The following TAFA1 variants were observed in gnomAD, a reference collection of about 807,000 sequenced individuals.
TAFA1 encodes chemokine-like protein TAFA-1.
Under a neutral mutation model 18.5 loss-of-function variants are expected in TAFA1, and 4 were observed. The observed-to-expected ratio is 0.22, with a 90% CI of 0.11 to 0.49. The LOEUF (loss-of-function observed/expected upper bound fraction) is 0.49, where lower values mean the gene tolerates loss of function less well. Ranked by LOEUF, TAFA1 falls within the 20% of genes least tolerant of loss-of-function variation. The probability of loss-of-function intolerance (pLI) is 0.98; values close to 1 mark genes in which losing one functional copy is unlikely to be tolerated. For synonymous variants in TAFA1, 56 were observed against 55.2 expected, an observed-to-expected ratio of 1.01 and a Z score of -0.06; for missense variants, 147 against 169.0, an observed-to-expected ratio of 0.87 and a Z score of 0.72.
intron 2 of TAFA1, among the ~76,000 whole-genome samples, chr3:68,013,764 ACT>A (rs1704518386): frequency 6.6e-6 from 1 of 152,142 alleles, no homozygotes; most frequent in Non-Finnish European, 1.5e-5. Flanking sequence ...CACTTAGGGA[ACT>A]CTGTTGGCCC....
rs2071585813 is a variant in TAFA1, at chr3:68,452,670, G to A, written c.259+35250G>A. ...TACCAAAATGAACACTTGGAATCAT[G>A]TGCCCCAGTCAAAGAGGATGTCTTT... is the stretch of plus-strand genomic sequence containing the variant. On this transcript the variant is annotated intron_variant, in intron 3 of 4. Transcript: ENST00000478136. 1.3e-5 allele frequency among the ~76,000 whole-genome samples: 2 copies of A among 152,080 alleles called. 1 individual carries two copies. The highest frequency in any genetic ancestry group is 4.1e-4 in the South Asian group (2 of 4,824).
intron 3 of TAFA1, among the ~76,000 whole-genome samples, chr3:68,521,645 T>C (rs2106751844): frequency 6.6e-6 from 1 of 152,254 alleles, no homozygotes; most frequent in Admixed American, 6.5e-5. Context: ...TAGAGACAGT[T>C]ATTTGGCATG....
intron 2 of TAFA1, among the ~76,000 whole-genome samples, chr3:68,188,843 T>C (rs2066303836): frequency 6.6e-6 from 1 of 151,810 alleles, no homozygotes; most frequent in South Asian, 2.1e-4. Context: ...ATAGTGGGGG[T>C]TTTTTGTTGT....
At chr3:68,119,731 C>G (rs532994863) in intron 2 of TAFA1, among the ~76,000 whole-genome samples, 3 of 152,252 alleles carry the variant, frequency 2.0e-5, no homozygotes, top group African/African-American at 4.8e-5. Context: ...TTCTATTGGT[C>G]TATATATCCA....
At chr3:68,098,925 G>C (rs2065117575) in intron 2 of TAFA1, among the ~76,000 whole-genome samples, 1 of 152,036 alleles carries the variant, frequency 6.6e-6, no homozygotes, top group Non-Finnish European at 1.5e-5. Context: ...CTATTCAATA[G>C]ATGGTGCTGG....
intron 2 of TAFA1, among the ~76,000 whole-genome samples, chr3:68,274,591 G>T (rs574487931): frequency 5.3e-5 from 8 of 152,136 alleles, no homozygotes; most frequent in African/African-American, 9.7e-5. Context: ...AATTGCTGTG[G>T]GAAGCAATAT....
intron 2 of TAFA1, among the ~76,000 whole-genome samples, chr3:68,021,788 T>C (rs764596458): frequency 2.6e-5 from 4 of 152,178 alleles, no homozygotes; most frequent in Non-Finnish European, 5.9e-5. Flanking sequence ...GAGTAGCCTA[T>C]ATAGTTAAAA....
intron 2 of TAFA1, among the ~76,000 whole-genome samples, chr3:68,357,296 C>T (rs1026849025): frequency 2.0e-5 from 3 of 151,638 alleles, no homozygotes; most frequent in Non-Finnish European, 4.4e-5. Context: ...TGAAGAAAAG[C>T]AAGTATTCAT....
Position 68,353,876 on chromosome 3 carries a change from C to T in TAFA1, c.119-63404C>T, listed in dbSNP as rs530509295. On this transcript the variant is annotated intron_variant, in intron 2 of 4. Transcript: ENST00000478136. ...AATTCCCAAATTAATCAACCCCAGT[C>T]TGAGCAGTACAAAATGGAGTTTTTA... Among the ~76,000 whole-genome samples the T allele has an allele frequency of 1.8e-4, 28 of 152,134 alleles. 1 individual carries two copies. The highest frequency in any genetic ancestry group is 1.7e-3 in the Admixed American group (26 of 15,268).
At chr3:68,436,399 T>C (rs945786492) in intron 3 of TAFA1, among the ~76,000 whole-genome samples, 1 of 152,154 alleles carries the variant, frequency 6.6e-6, no homozygotes, top group African/African-American at 2.4e-5. Flanking sequence ...AAGCTATTGT[T>C]CTTAACTCAG....
intron 2 of TAFA1, among the ~76,000 whole-genome samples, chr3:68,310,667 T>A (rs1324476149): frequency 1.3e-5 from 2 of 152,162 alleles, no homozygotes; most frequent in African/African-American, 4.8e-5. Context: ...ATTTTAAAAT[T>A]TAGTTCTGGA....
chr3:68,152,612 C>G lies in TAFA1; in HGVS notation c.118+145868C>G, dbSNP rs114008870. Among the ~76,000 whole-genome samples the G allele has an allele frequency of 8.8e-3, 1,334 of 152,166 alleles. 23 individuals carry two copies. Among genetic ancestry groups the G allele is most frequent in the African/African-American group, 0.03 (1,257 of 41,510 alleles). ...CTGAAGCTCAAAAGGCCATTAATTG[C>G]TCTTTTAAAATACAGCTAGATCTAG... On this transcript the variant is annotated intron_variant, in intron 2 of 4. Coordinates refer to ENST00000478136, the MANE Select transcript of TAFA1 (RefSeq NM_213609.4).
the TAFA1 span, among the ~76,000 whole-genome samples, chr3:67,995,338 C>G: frequency 1.3e-5 from 2 of 152,016 alleles, no homozygotes; most frequent in Non-Finnish European, 2.9e-5. Context: ...TTGCTTGAGT[C>G]CCATCTCCAG....
At chr3:68,436,296 C>G (rs537899099) in intron 3 of TAFA1, among the ~76,000 whole-genome samples, 2 of 152,228 alleles carry the variant, frequency 1.3e-5, no homozygotes, top group Non-Finnish European at 1.5e-5. Flanking sequence ...GTGGGCATAA[C>G]AGTATCTACC....
At chr3:68,327,601 G>C (rs1185437201) in intron 2 of TAFA1, among the ~76,000 whole-genome samples, 2 of 152,104 alleles carry the variant, frequency 1.3e-5, no homozygotes, top group Non-Finnish European at 2.9e-5. Flanking sequence ...AACTTCTTAG[G>C]CTTGCTGAGA....
intron 3 of TAFA1, among the ~76,000 whole-genome samples, chr3:68,523,979 T>C (rs2073066810): frequency 6.6e-6 from 1 of 152,242 alleles, no homozygotes; most frequent in Non-Finnish European, 1.5e-5. Context: ...CTAAATGTAT[T>C]CATCTTAAAA....
chr3:68,454,979 C>T (rs554761984), intron 3 of TAFA1, among the ~76,000 whole-genome samples: 2 of 152,208 alleles, frequency 1.3e-5, no homozygotes, highest in South Asian at 2.1e-4. Context: ...AACTTAACTA[C>T]TAATAGCCCA....
At chr3:68,279,524 T>C (rs11709646) in intron 2 of TAFA1, among the ~76,000 whole-genome samples, 30,692 of 152,056 alleles carry the variant, frequency 0.2, 3,236 homozygotes, top group Middle Eastern at 0.27. Flanking sequence ...TCTCTAGACC[T>C]GATAATCTGG....
chr3:68,206,574 A>G (rs2066528600), intron 2 of TAFA1, among the ~76,000 whole-genome samples: 1 of 151,956 alleles, frequency 6.6e-6, no homozygotes, highest in African/African-American at 2.4e-5. Context: ...ATAAAAAATA[A>G]TGATGTCATG....
Sources: allele counts gnomAD v4.1 joint callset (sites outside exome capture counted in the v4.1 genomes callset), GRCh38; gene constraint gnomAD v4.1.1; transcripts MANE v1.5; gene names NCBI Gene and HGNC (gene_info 2026-07-23, HGNC 2026-07-21).